The following SMAD3 variants were observed in gnomAD, a reference collection of about 807,000 sequenced individuals.
SMAD3 encodes MAD homolog 3.
SMAD3 carries 12 observed loss-of-function variants against 51.8 expected under a neutral mutation model. The ratio of observed to expected loss-of-function variants is 0.23; its 90% CI spans 0.15 to 0.38. SMAD3 has a LOEUF of 0.38. Among genes scored for constraint, SMAD3 ranks in the 10% least tolerant of loss-of-function variants. The pLI, the probability that SMAD3 is intolerant of heterozygous loss-of-function variation, is 1.00. For missense variants in SMAD3, 294 were observed against 565.6 expected, an observed-to-expected ratio of 0.52 and a Z score of 4.87; for synonymous variants, 238 against 227.7, an observed-to-expected ratio of 1.05 and a Z score of -0.41.
Position 67,192,614 on chromosome 15 carries a change from G to A in SMAD3, c.*2078G>A, listed in dbSNP as rs147761102. ...CTAAAAGCCATGGGCAGCAGTTTCC[G>A]AGGGCCTGCATGATCCACCTGCTGC... is the stretch of plus-strand genomic sequence containing the variant. On this transcript the variant is annotated 3_prime_UTR_variant, in exon 9 of 9. Coordinates refer to ENST00000327367, the MANE Select transcript of SMAD3 (RefSeq NM_005902.4). 5.6e-5 allele frequency: 13 copies of A among 233,244 alleles called. No homozygotes were observed. Among genetic ancestry groups the A allele is most frequent in the East Asian group, 3.0e-4 (5 of 16,694 alleles). The allele number at this position is 233,244 out of a possible 1,614,324, so 14.4% of individuals were successfully genotyped here. A position where few individuals can be genotyped will look rare whatever the true frequency, so the allele number is the denominator to read the frequency against.
At chr15:67,176,917 C>A (rs1377683737) in intron 5 of SMAD3, among the ~76,000 whole-genome samples, 1 of 152,220 alleles carries the variant, frequency 6.6e-6, no homozygotes, top group Non-Finnish European at 1.5e-5. Context: ...TGGGCACGTG[C>A]CATCGTCTAC....
intron 4 of SMAD3, among the ~76,000 whole-genome samples, chr15:67,167,458 G>A (rs1962623186): frequency 6.6e-6 from 1 of 152,158 alleles, no homozygotes; most frequent in African/African-American, 2.4e-5. Context: ...ATTTAGTCAG[G>A]GCTGATGGGA....
chr15:67,098,456 C>G (rs1434462661), intron 1 of SMAD3: 1 of 211,898 alleles, frequency 4.7e-6, no homozygotes, highest in Non-Finnish European at 9.6e-6. Context: ...TGCAGCCCAG[C>G]TTGTGGTTGA....
intron 3 of SMAD3, 158 bp from the exon 4 acceptor site, chr15:67,166,621 C>A: frequency 2.9e-6 from 2 of 695,998 alleles, no homozygotes; most frequent in Non-Finnish European, 5.3e-6. Context: ...GGGGCGAGGA[C>A]AACAGAACCA....
chr15:67,086,832 C>T (rs371798241), intron 1 of SMAD3, among the ~76,000 whole-genome samples: 2 of 151,378 alleles, frequency 1.3e-5, no homozygotes, highest in Non-Finnish European at 2.9e-5. Flanking sequence ...GATCAAGGAA[C>T]GTGGACCTGA....
intron 1 of SMAD3, among the ~76,000 whole-genome samples, chr15:67,088,651 C>T (rs1162051170): frequency 2.6e-5 from 4 of 152,128 alleles, no homozygotes; most frequent in Non-Finnish European, 4.4e-5. Context: ...ATGCTAAGGC[C>T]GGGTGCGGTG....
At chr15:67,129,288 C>T (rs1961466359) in intron 1 of SMAD3, among the ~76,000 whole-genome samples, 1 of 152,204 alleles carries the variant, frequency 6.6e-6, no homozygotes, top group Non-Finnish European at 1.5e-5. Flanking sequence ...CCTTCTAGAG[C>T]AGTGTTGCCG....
rs563577689 is a variant in SMAD3 at position 67,124,739 on chromosome 15, T to C, written c.207-40156T>C. Among the ~76,000 whole-genome samples the C allele has an allele frequency of 8.8e-4, 134 of 152,276 alleles. 1 individual carries two copies. The highest frequency in any genetic ancestry group is 1.8e-3 in the Non-Finnish European group (121 of 68,002). The stretch of plus-strand genomic sequence containing the variant: ...CCTCTACCTGTGATGTTGAAACATC[T>C]TGAAAAACCTCTCTGCTCTGTGCCT... On this transcript the variant is annotated intron_variant, in intron 1 of 8. Transcript: ENST00000327367.
chr15:67,127,840 C>A (rs568900668), intron 1 of SMAD3, among the ~76,000 whole-genome samples: 1 of 152,298 alleles, frequency 6.6e-6, no homozygotes, highest in African/African-American at 2.4e-5. Flanking sequence ...TGGCTAGAGG[C>A]CAGAGGACAG....
intron 6 of SMAD3, among the ~76,000 whole-genome samples, chr15:67,183,995 AAAT>A (rs1250294913): frequency 6.6e-6 from 1 of 152,144 alleles, no homozygotes; most frequent in African/African-American, 2.4e-5. Flanking sequence ...TGAAGAGACC[AAAT>A]AATAGTGGGG....
chr15:67,133,617 G>C (rs1211499998), intron 1 of SMAD3, among the ~76,000 whole-genome samples: 1 of 152,132 alleles, frequency 6.6e-6, no homozygotes, highest in Non-Finnish European at 1.5e-5. Context: ...ATTAGGAAAG[G>C]GTTGGGAGGA....
rs944682622 is a variant in SMAD3 at position 67,145,652 on chromosome 15, C to T, written c.207-19243C>T. ...CACTGTATGTCAGTGTGGCGCTTACCGGTTTATGAAGGGCCTACATGTGCA... is the reference window on the plus strand; with the variant it reads ...CACTGTATGTCAGTGTGGCGCTTACTGGTTTATGAAGGGCCTACATGTGCA... On this transcript the variant is annotated intron_variant, in intron 1 of 8. Coordinates refer to ENST00000327367, the MANE Select transcript of SMAD3 (RefSeq NM_005902.4). 7.2e-5 allele frequency among the ~76,000 whole-genome samples: 11 copies of T among 152,114 alleles called. No homozygotes were observed. In the East Asian group the frequency reaches 1.7e-3, roughly 24 times the overall value.
At chr15:67,082,647 T>C (rs1595889412) in intron 1 of SMAD3, among the ~76,000 whole-genome samples, 2 of 152,266 alleles carry the variant, frequency 1.3e-5, no homozygotes, top group East Asian at 1.9e-4. Context: ...GTCCAAATTA[T>C]ATAAAGTTTT....
Position 67,149,439 on chromosome 15 carries a change from C to T in SMAD3, c.207-15456C>T, listed in dbSNP as rs568288600. Among the ~76,000 whole-genome samples the T allele has an allele frequency of 3.9e-5, 6 of 152,200 alleles. No homozygotes were observed. In the South Asian group the frequency reaches 1.0e-3, roughly 26 times the overall value. The stretch of plus-strand genomic sequence containing the variant: ...CCTCACCTGGAACCCTTTGCTTGTT[C>T]CTGATTGTAGCTGTTTTAGGGATGC... On this transcript the variant is annotated intron_variant, in intron 1 of 8. Coordinates refer to ENST00000327367, the MANE Select transcript of SMAD3 (RefSeq NM_005902.4).
At position 67,175,867 on chromosome 15, in the gene SMAD3, A is replaced by G. The variant is rs112764381; in HGVS notation, c.658+5263A>G. On this transcript the variant is annotated intron_variant, in intron 5 of 8. Transcript: ENST00000327367. ...ATGCTGCTGCCCAAGGCTCTTTTACAATGCAGCCTCTGGCTCCGGTCTTCC... is the reference window on the plus strand; with the variant it reads ...ATGCTGCTGCCCAAGGCTCTTTTACGATGCAGCCTCTGGCTCCGGTCTTCC... Among the ~76,000 whole-genome samples, 25 of 152,274 alleles carry G rather than the reference A, an allele frequency of 1.6e-4. 1 individual carries two copies. The highest frequency in any genetic ancestry group is 5.8e-4 in the African/African-American group (24 of 41,538).
intron 5 of SMAD3, among the ~76,000 whole-genome samples, chr15:67,180,218 G>A (rs143277943): frequency 1.1e-4 from 17 of 152,204 alleles, no homozygotes; most frequent in Non-Finnish European, 2.1e-4. Context: ...CTGTGGCATC[G>A]GTGTGAGTGG....
intron 5 of SMAD3, among the ~76,000 whole-genome samples, chr15:67,177,026 T>C (rs1359068139): frequency 6.6e-6 from 1 of 152,218 alleles, no homozygotes. Context: ...AGGAGCCTTC[T>C]ATAGAACTGC....
chr15:67,126,598 C>T (rs1041409089), intron 1 of SMAD3, among the ~76,000 whole-genome samples: 43 of 152,254 alleles, frequency 2.8e-4, no homozygotes, highest in Admixed American at 6.5e-4. Flanking sequence ...TTCTATTCTG[C>T]GTTTAAGGCC....
At chr15:67,187,274 T>G (rs1595962469) in intron 7 of SMAD3, 91 bp from the exon 8 acceptor site, 2 of 1,484,194 alleles carry the variant, frequency 1.3e-6, no homozygotes, top group Non-Finnish European at 1.9e-6. Flanking sequence ...ATGAGGCTGG[T>G]CTAGGGGGTC....
Sources: gnomAD v4.1 joint callset for allele counts (sites outside exome capture counted in the v4.1 genomes callset) on GRCh38, gnomAD v4.1.1 for gene constraint, MANE v1.5 for transcripts, NCBI Gene and HGNC (gene_info 2026-07-23, HGNC 2026-07-21) for gene names.